The following DUS2 variants were observed in gnomAD, a reference collection of about 807,000 sequenced individuals.
DUS2 encodes the protein tRNA-dihydrouridine(20) synthase [NAD(P)+]-like.
DUS2 carries 52 observed loss-of-function variants against 71.3 expected under a neutral mutation model. The ratio of observed to expected loss-of-function variants is 0.73; its 90% CI spans 0.58 to 0.92. The LOEUF is 0.92. Ranked by LOEUF, DUS2 falls within the 40% of genes least tolerant of loss-of-function variation. The pLI is 0.00. For synonymous variants in DUS2, 204 were observed against 227.8 expected, an observed-to-expected ratio of 0.90 and a Z score of 0.94; for missense variants, 558 against 622.6, an observed-to-expected ratio of 0.90 and a Z score of 1.10.
intron 2 of DUS2, among the ~76,000 whole-genome samples, chr16:68,026,410 C>T (rs990048835): frequency 2.6e-5 from 4 of 152,190 alleles, no homozygotes; most frequent in South Asian, 2.1e-4. Flanking sequence ...ATTGGTATTA[C>T]TTTATTGTTC....
At chr16:68,039,008 G>T (rs1181692755) in intron 3 of DUS2, among the ~76,000 whole-genome samples, 1 of 151,822 alleles carries the variant, frequency 6.6e-6, no homozygotes, top group Non-Finnish European at 1.5e-5. Context: ...AGACCAGCCT[G>T]GGCAACGTAG....
Position 68,028,062 on chromosome 16 carries a change from G to A in DUS2, c.-19+2568G>A, listed in dbSNP as rs181909232. Among the ~76,000 whole-genome samples, 64 of 152,194 alleles carry A rather than the reference G, an allele frequency of 4.2e-4. 2 individuals are homozygous for A. Among genetic ancestry groups the A allele is most frequent in the Admixed American group, 6.5e-4 (10 of 15,270 alleles). ...TAGACTTAATTTTACAGGCAGTAGG[G>A]AAGGCGTCCAGAAATGGAACTATCA... On this transcript the variant is annotated intron_variant, in intron 2 of 16. Transcript: ENST00000565263.
chr16:68,031,400 T>C (rs1389493401), intron 2 of DUS2, among the ~76,000 whole-genome samples: 3 of 152,128 alleles, frequency 2.0e-5, no homozygotes, highest in African/African-American at 7.2e-5. Flanking sequence ...CTTTACCTCG[T>C]GATCCGCCTG....
intron 10 of DUS2, 87 bp downstream of exon 10, chr16:68,066,723 C>G: frequency 1.5e-6 from 2 of 1,335,414 alleles, no homozygotes. Flanking sequence ...CCCCAAGTGA[C>G]AGCCAATTTC....
rs990470366 is a variant in DUS2 at position 68,026,152 on chromosome 16, G to A, written c.-19+658G>A. Among the ~76,000 whole-genome samples, 5 of 152,014 alleles carry A rather than the reference G, an allele frequency of 3.3e-5. No homozygotes were observed. In the East Asian group the frequency reaches 5.8e-4, roughly 18 times the overall value. ...ATTACAGGCACGTGCTACCAAACCCGGCTAATTTCTGTATTTTTAGTAGAG... is the reference window on the plus strand; with the variant it reads ...ATTACAGGCACGTGCTACCAAACCCAGCTAATTTCTGTATTTTTAGTAGAG... On this transcript the variant is annotated intron_variant, in intron 2 of 16. Transcript: ENST00000565263.
chr16:68,078,301 C>A, intron 15 of DUS2, 144 bp from the exon 16 acceptor site: 2 of 748,806 alleles, frequency 2.7e-6, no homozygotes, highest in African/African-American at 1.7e-5. Context: ...GGCACTTTTG[C>A]TTGGGAGGAG....
chr16:68,061,452 G>A (rs1311650852), intron 8 of DUS2, among the ~76,000 whole-genome samples: 1 of 152,176 alleles, frequency 6.6e-6, no homozygotes, highest in Non-Finnish European at 1.5e-5. Context: ...CCCACCTGTG[G>A]TGAGGACGGG....
rs1452925500 is a variant in DUS2, at chr16:68,030,476, A to T, written c.-19+4982A>T. 2.6e-5 allele frequency among the ~76,000 whole-genome samples: 4 copies of T among 152,184 alleles called. No homozygotes were observed. The East Asian group carries it at 7.7e-4, about 29-fold the overall frequency. ...GGGCATGGTGGTTAATTTTTGTCCC[A>T]GCTAATCAGGAGGCTGAGGCAGGAG... On this transcript the variant is annotated intron_variant, in intron 2 of 16. Coordinates refer to ENST00000565263, the MANE Select transcript of DUS2 (RefSeq NM_017803.5).
chr16:68,065,670 G>C (rs1433866996), intron 8 of DUS2, among the ~76,000 whole-genome samples: 2 of 152,164 alleles, frequency 1.3e-5, no homozygotes, highest in East Asian at 3.9e-4. Flanking sequence ...AAGGAAACAG[G>C]GTCTTGCTGT....
chr16:68,055,140 A>G (rs1882616711), intron 6 of DUS2, among the ~76,000 whole-genome samples: 2 of 152,214 alleles, frequency 1.3e-5, no homozygotes, highest in East Asian at 1.9e-4. Context: ...GAGACCCTCT[A>G]TGCATATTGG....
intron 10 of DUS2, among the ~76,000 whole-genome samples, chr16:68,069,866 C>T (rs1189071821): frequency 6.6e-6 from 1 of 152,174 alleles, no homozygotes; most frequent in Non-Finnish European, 1.5e-5. Flanking sequence ...AGGCCACCCA[C>T]CATGCCCCCC....
At chr16:68,033,634 A>ATTTTTTTT (rs548683357) in intron 2 of DUS2, among the ~76,000 whole-genome samples, 131 of 125,336 alleles carry the variant, frequency 1.0e-3, no homozygotes, top group African/African-American at 2.5e-3. Flanking sequence ...ACAGGTGCTA[A>ATTTTTTTT]TTTTTTTTTT....
chr16:68,057,002 TATA>T (rs1281883073), intron 7 of DUS2, among the ~76,000 whole-genome samples: 1 of 140,090 alleles, frequency 7.1e-6, no homozygotes, highest in Non-Finnish European at 1.5e-5. Context: ...TATATAAATA[TATA>T]ATATATAATT....
At chr16:68,057,479 T>C (rs2033877467) in intron 7 of DUS2, among the ~76,000 whole-genome samples, 1 of 151,304 alleles carries the variant, frequency 6.6e-6, no homozygotes, top group African/African-American at 2.4e-5. Flanking sequence ...ACACATGTAA[T>C]CCTAGCAATT....
intron 2 of DUS2, among the ~76,000 whole-genome samples, chr16:68,027,474 T>C (rs989507419): frequency 2.6e-5 from 4 of 152,190 alleles, no homozygotes; most frequent in African/African-American, 9.6e-5. Context: ...AACTCCCGAC[T>C]TTAGGTAATC....
At chr16:68,033,518 T>C (rs1463554719) in intron 2 of DUS2, among the ~76,000 whole-genome samples, 2 of 151,980 alleles carry the variant, frequency 1.3e-5, no homozygotes, top group Non-Finnish European at 2.9e-5. Flanking sequence ...AGGGTCTTGC[T>C]CTGTCACCCA....
Position 68,066,344 on chromosome 16 carries a change from C to T in DUS2, c.445C>T (p.Arg149Cys), listed in dbSNP as rs59111022. ...CCTCAGCACTCTTGTTAAAGGGACACGCAGACCTGTGACCTGCAAGATTCG... is the reference window on the plus strand; with the variant it reads ...CCTCAGCACTCTTGTTAAAGGGACATGCAGACCTGTGACCTGCAAGATTCG... ...KILSTLVKGT[R>C]RPVTCKIRIL... The change falls in exon 9 of 17, where the codon CGC (arginine) becomes TGC (cysteine). Residue 149 changes from arginine to cysteine, a missense_variant. Physicochemically the swap from Arg to Cys is radical, Grantham distance 180 (BLOSUM62 -3). Coordinates refer to ENST00000565263, the MANE Select transcript of DUS2 (RefSeq NM_017803.5). 8.6e-4 allele frequency: 1,388 copies of T among 1,614,170 alleles called. 13 individuals are homozygous for T. The African/African-American group carries it at 0.017, about 20-fold the overall frequency.
chr16:68,064,866 A>G lies in DUS2; in HGVS notation c.418-1451A>G, dbSNP rs551179779. The stretch of plus-strand genomic sequence containing the variant: ...ATCCTGTCCCTGATAGGCCTCCACT[A>G]CTGGTTTTTGCAACCTGGCTCTCTG... On this transcript the variant is annotated intron_variant, in intron 8 of 16. Transcript: ENST00000565263. 5.9e-5 allele frequency among the ~76,000 whole-genome samples: 9 copies of G among 152,082 alleles called. No homozygotes were observed. The East Asian group carries it at 1.7e-3, about 29-fold the overall frequency.
At chr16:68,047,246 G>C (rs1396165982) in intron 3 of DUS2, among the ~76,000 whole-genome samples, 1 of 150,000 alleles carries the variant, frequency 6.7e-6, no homozygotes. Flanking sequence ...AGTAGAGATG[G>C]AGTTTCACCA....
Sources: gnomAD v4.1 joint callset for allele counts (sites outside exome capture counted in the v4.1 genomes callset) on GRCh38, gnomAD v4.1.1 for gene constraint, MANE v1.5 for transcripts, NCBI Gene and HGNC (gene_info 2026-07-23, HGNC 2026-07-21) for gene names.